PHF14: variants seen among roughly 807,000 people sequenced by gnomAD.
The protein encoded by PHF14 is PHD finger protein 14.
A neutral mutation model predicts 117.9 loss-of-function variants in PHF14; 55 were observed. That is an observed-to-expected ratio of 0.47 (90% confidence interval 0.38 to 0.58). The LOEUF (loss-of-function observed/expected upper bound fraction) is 0.58. PHF14 is among the 20% of genes least tolerant of loss of function. The pLI is 0.00. For missense variants in PHF14, 978 were observed against 1,122.2 expected (o/e 0.87, Z 1.84); for synonymous variants, 409 against 368.6 (o/e 1.11, Z -1.26).
intron 16 of PHF14, chr7:11,106,264 T>A (rs1787259201): frequency 1.0e-6 from 1 of 965,286 alleles, no homozygotes; most frequent in South Asian, 4.8e-5. Flanking sequence ...TTTTTAAAAT[T>A]AATTTTTATG....
chr7:11,140,186 A>G (rs1583496274), intron 17 of PHF14, among the ~76,000 whole-genome samples: 1 of 152,156 alleles, frequency 6.6e-6, no homozygotes, highest in African/African-American at 2.4e-5. Flanking sequence ...ACAACTCTAC[A>G]CATACCCATA....
intron 17 of PHF14, among the ~76,000 whole-genome samples, chr7:11,159,967 G>C (rs1788975880): frequency 6.6e-6 from 1 of 152,096 alleles, no homozygotes; most frequent in African/African-American, 2.4e-5. Context: ...TTGTTACATA[G>C]GTATATTGTG....
intron 17 of PHF14, among the ~76,000 whole-genome samples, chr7:11,144,923 T>A (rs12699172): frequency 0.55 from 82,924 of 151,566 alleles, 23,687 homozygotes; most frequent in East Asian, 0.85. Context: ...GGAGTAGAAT[T>A]ATGGTTGCTA....
intron 2 of PHF14, among the ~76,000 whole-genome samples, chr7:10,975,306 C>T (rs565860007): frequency 1.1e-4 from 16 of 152,146 alleles, no homozygotes; most frequent in Non-Finnish European, 2.1e-4. Flanking sequence ...AGTCCCTGAG[C>T]AGGGTTCTTC....
chr7:11,139,799 G>C (rs2128350644), intron 17 of PHF14, among the ~76,000 whole-genome samples: 1 of 152,238 alleles, frequency 6.6e-6, no homozygotes, highest in Admixed American at 6.5e-5. Flanking sequence ...AAAGGTAAAT[G>C]TTTATAGAAT....
chr7:11,094,817 C>G (rs1302243668), intron 16 of PHF14, among the ~76,000 whole-genome samples: 1 of 152,186 alleles, frequency 6.6e-6, no homozygotes, highest in African/African-American at 2.4e-5. Flanking sequence ...GAGCTTGGAT[C>G]CCATCCTTCT....
chr7:10,985,644 T>G (rs1335948784), intron 3 of PHF14, among the ~76,000 whole-genome samples: 9 of 119,974 alleles, frequency 7.5e-5, no homozygotes, highest in African/African-American at 2.4e-4. Flanking sequence ...AACTGTTTTT[T>G]TTTTTTTTTT....
chr7:11,133,402 A>G (rs1052969642), intron 17 of PHF14, among the ~76,000 whole-genome samples: 1 of 151,990 alleles, frequency 6.6e-6, no homozygotes, highest in Non-Finnish European at 1.5e-5. Context: ...ACATAAGTAT[A>G]GTTAACTGAT....
intron 7 of PHF14, among the ~76,000 whole-genome samples, chr7:11,030,191 A>C (rs1317287218): frequency 1.3e-5 from 2 of 151,316 alleles, no homozygotes; most frequent in African/African-American, 2.4e-5. Context: ...TATACGGTAA[A>C]GGTAGTCTGG....
At chr7:11,112,586 A>G (rs528582376) in intron 17 of PHF14, among the ~76,000 whole-genome samples, 1 of 152,240 alleles carries the variant, frequency 6.6e-6, no homozygotes, top group Admixed American at 6.5e-5. Context: ...CCTGGCCAAC[A>G]TGGCGAAACC....
intron 4 of PHF14, among the ~76,000 whole-genome samples, chr7:10,995,505 A>C (rs2128311581): frequency 6.6e-6 from 1 of 152,302 alleles, no homozygotes; most frequent in South Asian, 2.1e-4. Flanking sequence ...TGGATCCCGC[A>C]CCAGGGCCAC....
intron 3 of PHF14, among the ~76,000 whole-genome samples, chr7:10,985,647 T>G (rs1358390858): frequency 2.7e-4 from 33 of 123,912 alleles, no homozygotes; most frequent in African/African-American, 8.9e-4. Context: ...TGTTTTTTTT[T>G]TTTTTTTTTT....
At chr7:11,142,724 C>T (rs1174305102) in intron 17 of PHF14, among the ~76,000 whole-genome samples, 3 of 152,064 alleles carry the variant, frequency 2.0e-5, no homozygotes, top group Non-Finnish European at 4.4e-5. Flanking sequence ...GTCACTTGTT[C>T]ACTATCCAAG....
chr7:11,115,841 A>G (rs1030812060), intron 17 of PHF14, among the ~76,000 whole-genome samples: 7 of 152,038 alleles, frequency 4.6e-5, no homozygotes, highest in African/African-American at 1.7e-4. Flanking sequence ...GTTATTTTGT[A>G]GAATGTATTT....
chr7:11,096,883 T>C (rs1183169402), intron 16 of PHF14, among the ~76,000 whole-genome samples: 1 of 152,118 alleles, frequency 6.6e-6, no homozygotes, highest in African/African-American at 2.4e-5. Context: ...AAAACTCATC[T>C]TCAAATGATT....
chr7:11,028,111 C>G (rs147855667), intron 6 of PHF14, among the ~76,000 whole-genome samples: 94 of 152,244 alleles, frequency 6.2e-4, no homozygotes, highest in African/African-American at 2.0e-3. Flanking sequence ...ACCTAACTTA[C>G]TGAGCACAGC....
In PHF14 at chr7:10,982,117, T is replaced by C. The variant is rs191330505; in HGVS notation, c.113-255T>C. On this transcript the variant is annotated intron_variant, in intron 2 of 17. Coordinates refer to ENST00000634607, the MANE Select transcript of PHF14 (RefSeq NM_001007157.2). ...ATGACACAAATTAGTGCTTCTCTTTTTAAAGCATATTTTAATTTAGGGTTA... is the reference window on the plus strand; with the variant it reads ...ATGACACAAATTAGTGCTTCTCTTTCTAAAGCATATTTTAATTTAGGGTTA... 3.3e-5 allele frequency among the ~76,000 whole-genome samples: 5 copies of C among 152,344 alleles called. No individual in the cohort carries two copies. In the East Asian group the frequency reaches 9.6e-4, roughly 29 times the overall value.
intron 17 of PHF14, among the ~76,000 whole-genome samples, chr7:11,165,916 C>T (rs962746606): frequency 2.6e-4 from 39 of 152,134 alleles, no homozygotes; most frequent in Admixed American, 1.8e-3. Context: ...ATATTGCCAC[C>T]TGGAGTATCA....
At chr7:10,992,273 C>T (rs1288608101) in intron 4 of PHF14, among the ~76,000 whole-genome samples, 2 of 147,844 alleles carry the variant, frequency 1.4e-5, no homozygotes, top group African/African-American at 2.5e-5. Flanking sequence ...AGGCTGGTCT[C>T]GATTTCCTGG....
Sources: allele counts gnomAD v4.1 joint callset (sites outside exome capture counted in the v4.1 genomes callset), GRCh38; gene constraint gnomAD v4.1.1; transcripts MANE v1.5; gene names NCBI Gene and HGNC (gene_info 2026-07-23, HGNC 2026-07-21).